Variants in SEMA3E observed in about 807,000 individuals in gnomAD.
SEMA3E encodes the protein semaphorin 3E.
A neutral mutation model predicts 93.6 loss-of-function variants in SEMA3E; 49 were observed. That is an observed-to-expected ratio of 0.52 (90% CI 0.42 to 0.66). The LOEUF (loss-of-function observed/expected upper bound fraction) is 0.66, where lower values mean the gene tolerates loss of function less well. Among genes scored for constraint, SEMA3E ranks in the 30% least tolerant of loss-of-function variants. The pLI, the probability that SEMA3E is intolerant of heterozygous loss-of-function variation, is 0.00. For synonymous variants in SEMA3E, 363 were observed against 330.7 expected, an observed-to-expected ratio of 1.10 and a Z score of -1.06; for missense variants, 906 against 964.8, an observed-to-expected ratio of 0.94 and a Z score of 0.81.
At chr7:83,457,718 T>C (rs1789517307) in intron 4 of SEMA3E, among the ~76,000 whole-genome samples, 1 of 152,174 alleles carries the variant, frequency 6.6e-6, no homozygotes, top group Non-Finnish European at 1.5e-5. Context: ...ATGAATGTCT[T>C]GTCAATCAAA....
chr7:83,562,894 G>A (rs1232963273), intron 1 of SEMA3E, among the ~76,000 whole-genome samples: 1 of 152,156 alleles, frequency 6.6e-6, no homozygotes, highest in African/African-American at 2.4e-5. Flanking sequence ...GCTACCTTCA[G>A]TGGCACAGGG....
intron 9 of SEMA3E, among the ~76,000 whole-genome samples, chr7:83,403,955 T>G (rs1788279228): frequency 6.6e-6 from 1 of 151,936 alleles, no homozygotes; most frequent in Non-Finnish European, 1.5e-5. Context: ...GAAAATAATG[T>G]CTTATGCTTG....
chr7:83,571,233 T>C (rs1792279935), intron 1 of SEMA3E, among the ~76,000 whole-genome samples: 1 of 152,174 alleles, frequency 6.6e-6, no homozygotes, highest in Non-Finnish European at 1.5e-5. Context: ...AAAGCCAGCA[T>C]CATTCTGATG....
chr7:83,619,478 A>T (rs1325404068), intron 1 of SEMA3E, among the ~76,000 whole-genome samples: 1 of 151,902 alleles, frequency 6.6e-6, no homozygotes, highest in Non-Finnish European at 1.5e-5. Context: ...TTGAGCTACA[A>T]CAACCTATTA....
At chr7:83,374,717 G>C (rs540000681) in intron 16 of SEMA3E, among the ~76,000 whole-genome samples, 1 of 152,166 alleles carries the variant, frequency 6.6e-6, no homozygotes, top group South Asian at 2.1e-4. Flanking sequence ...TACAGTTCAT[G>C]CATACTCAAT....
At chr7:83,515,739 GGTT>G (rs1453531509) in intron 1 of SEMA3E, among the ~76,000 whole-genome samples, 1 of 152,118 alleles carries the variant, frequency 6.6e-6, no homozygotes, top group East Asian at 1.9e-4. Context: ...CAAAACAGCT[GGTT>G]GTTCGAGGGG....
intron 1 of SEMA3E, among the ~76,000 whole-genome samples, chr7:83,609,999 A>C (rs1473529973): frequency 2.6e-5 from 4 of 152,076 alleles, no homozygotes; most frequent in Admixed American, 6.6e-5. Context: ...TGAACTGCAA[A>C]ATAAAATCAA....
chr7:83,367,469 A>T lies in SEMA3E; in HGVS notation c.*117T>A. ...AATTTATTATAACACCTTCATAGTCATTCCTGTATTACAGAAATCTCTTTT... is the reference window on the plus strand; with the variant it reads ...AATTTATTATAACACCTTCATAGTCTTTCCTGTATTACAGAAATCTCTTTT... On this transcript the variant is annotated 3_prime_UTR_variant, in exon 17 of 17. Transcript: ENST00000643230. 1 of 1,018,214 alleles carries T rather than the reference A, an allele frequency of 9.8e-7. No homozygotes were observed. The highest frequency in any genetic ancestry group is 1.6e-6 in the Non-Finnish European group (1 of 644,384). The allele number at this position is 1,018,214 out of a possible 1,614,324, so 63.1% of individuals were successfully genotyped here. A position where few individuals can be genotyped will look rare whatever the true frequency, so the allele number is the denominator to read the frequency against.
At chr7:83,376,142 T>C (rs1794819263) in intron 16 of SEMA3E, among the ~76,000 whole-genome samples, 2 of 152,026 alleles carry the variant, frequency 1.3e-5, no homozygotes, top group African/African-American at 4.8e-5. Flanking sequence ...TCATGCACTT[T>C]ACATTATAAA....
chr7:83,645,467 C>T (rs1445843425), intron 1 of SEMA3E, among the ~76,000 whole-genome samples: 1 of 151,934 alleles, frequency 6.6e-6, no homozygotes, highest in African/African-American at 2.4e-5. Flanking sequence ...TACATTTTTA[C>T]TTATTAATGT....
chr7:83,647,288 C>T (rs185990922), intron 1 of SEMA3E, among the ~76,000 whole-genome samples: 9 of 152,196 alleles, frequency 5.9e-5, no homozygotes, highest in Admixed American at 2.0e-4. Context: ...AAAGGCCAAA[C>T]GTGTCACATA....
chr7:83,531,260 G>A (rs1791289018), intron 1 of SEMA3E, among the ~76,000 whole-genome samples: 1 of 134,586 alleles, frequency 7.4e-6, no homozygotes, highest in Non-Finnish European at 1.6e-5. Context: ...CAAACAAGGA[G>A]TAAACAAGTT....
intron 2 of SEMA3E, among the ~76,000 whole-genome samples, chr7:83,482,711 T>C (rs1456609062): frequency 6.6e-6 from 1 of 152,030 alleles, no homozygotes; most frequent in Non-Finnish European, 1.5e-5. Context: ...ATGCCTACTC[T>C]TAGGGACCCA....
intron 2 of SEMA3E, among the ~76,000 whole-genome samples, chr7:83,477,442 T>A (rs1483742575): frequency 6.6e-6 from 1 of 152,090 alleles, no homozygotes; most frequent in African/African-American, 2.4e-5. Context: ...CACATTAAAA[T>A]AGTCTTAATG....
chr7:83,409,640 C>T (rs546505985), intron 5 of SEMA3E, among the ~76,000 whole-genome samples: 1 of 151,682 alleles, frequency 6.6e-6, no homozygotes, highest in Admixed American at 6.6e-5. Context: ...AATTGTATTT[C>T]CAACTTAATA....
intron 4 of SEMA3E, among the ~76,000 whole-genome samples, chr7:83,434,899 G>A (rs1297554370): frequency 1.3e-5 from 2 of 151,112 alleles, no homozygotes; most frequent in Non-Finnish European, 2.9e-5. Flanking sequence ...ATTTTTAGTA[G>A]AGACGGGGTT....
intron 16 of SEMA3E, chr7:83,371,527 A>C (rs1259781645): frequency 6.6e-6 from 1 of 152,202 alleles, no homozygotes; most frequent in Non-Finnish European, 1.5e-5. Flanking sequence ...TTTTGGTTCA[A>C]TATTTTAATA....
chr7:83,412,933 CTATT>C (rs796987317), intron 5 of SEMA3E, among the ~76,000 whole-genome samples: 2 of 151,932 alleles, frequency 1.3e-5, no homozygotes, highest in South Asian at 4.1e-4. Flanking sequence ...AACAGGAACT[CTATT>C]TTTTTCAAAA....
chr7:83,592,620 G>A (rs1792777002), intron 1 of SEMA3E, among the ~76,000 whole-genome samples: 1 of 152,094 alleles, frequency 6.6e-6, no homozygotes, highest in East Asian at 1.9e-4. Context: ...AAAGCAATAG[G>A]TTCAATTTGC....
Sources: allele counts gnomAD v4.1 joint callset (sites outside exome capture counted in the v4.1 genomes callset), GRCh38; gene constraint gnomAD v4.1.1; transcripts MANE v1.5; gene names NCBI Gene and HGNC (gene_info 2026-07-23, HGNC 2026-07-21).